The following RSPRY1 variants were observed in gnomAD, a reference collection of about 807,000 sequenced individuals.
RSPRY1 encodes RING finger and SPRY domain-containing protein 1.
Under a neutral mutation model 73.1 loss-of-function variants are expected in RSPRY1, and 23 were observed. That is an observed-to-expected ratio of 0.31 (90% CI 0.23 to 0.45). RSPRY1 has a LOEUF of 0.45. Ranked by LOEUF, RSPRY1 falls within the 20% of genes least tolerant of loss-of-function variation. The probability of loss-of-function intolerance (pLI) is 1.00; values close to 1 mark genes in which losing one functional copy is unlikely to be tolerated. For missense variants in RSPRY1, 448 were observed against 698.7 expected, an observed-to-expected ratio of 0.64 and a Z score of 4.05; for synonymous variants, 226 against 251.4, an observed-to-expected ratio of 0.90 and a Z score of 0.95.
chr16:57,188,537 A>C (rs1034789574), intron 1 of RSPRY1, among the ~76,000 whole-genome samples: 6 of 150,858 alleles, frequency 4.0e-5, no homozygotes, highest in Non-Finnish European at 8.8e-5. Context: ...GTTTTTTGAG[A>C]CGGAGTTTCG....
At chr16:57,188,702 G>A (rs1398568264) in intron 1 of RSPRY1, among the ~76,000 whole-genome samples, 1 of 152,084 alleles carries the variant, frequency 6.6e-6, no homozygotes, top group Non-Finnish European at 1.5e-5. Flanking sequence ...TTTTAGTAGA[G>A]ACGAGGTTTC....
intron 1 of RSPRY1, among the ~76,000 whole-genome samples, chr16:57,194,143 G>A (rs1372454303): frequency 6.6e-6 from 1 of 152,174 alleles, no homozygotes; most frequent in African/African-American, 2.4e-5. Flanking sequence ...AGTCTAATTA[G>A]TGATATGCAT....
chr16:57,209,151 A>C lies in RSPRY1; in HGVS notation c.480A>C (p.Ile160=). 1 of 1,612,720 alleles carries C rather than the reference A, an allele frequency of 6.2e-7. No individual in the cohort carries two copies. ...AAGATCCACTGGGACCAGCTGTTATAACATTGTTACTAGATGAATGTCCAT... is the reference window on the plus strand; with the variant it reads ...AAGATCCACTGGGACCAGCTGTTATCACATTGTTACTAGATGAATGTCCAT... ...PLEDPLGPAV[I]TLLLDECPLP... Residue 160 remains isoleucine, a synonymous_variant, in exon 4 of 15, where the codon ATA becomes ATC. Transcript: ENST00000394420.
intron 1 of RSPRY1, among the ~76,000 whole-genome samples, chr16:57,196,785 T>TA (rs1403183269): frequency 9.2e-5 from 14 of 152,340 alleles, no homozygotes; most frequent in Admixed American, 8.5e-4. Context: ...CCAGGTAATT[T>TA]AGTTATTTCT....
intron 6 of RSPRY1, among the ~76,000 whole-genome samples, chr16:57,214,658 G>A (rs1360775407): frequency 6.6e-6 from 1 of 152,214 alleles, no homozygotes; most frequent in South Asian, 2.1e-4. Context: ...GTTAGTTGAG[G>A]AAACAAAACT....
At chr16:57,225,710 A>G (rs2075110134) in intron 10 of RSPRY1, among the ~76,000 whole-genome samples, 1 of 152,214 alleles carries the variant, frequency 6.6e-6, no homozygotes, top group Non-Finnish European at 1.5e-5. Flanking sequence ...TAAGCACTCA[A>G]AATAATTTCT....
intron 1 of RSPRY1, among the ~76,000 whole-genome samples, chr16:57,189,535 T>G (rs1253624740): frequency 6.6e-6 from 1 of 151,684 alleles, no homozygotes; most frequent in African/African-American, 2.4e-5. Flanking sequence ...TTGTCAAGAG[T>G]TTAACAAACA....
intron 1 of RSPRY1, among the ~76,000 whole-genome samples, chr16:57,198,605 T>G (rs1163726814): frequency 1.3e-5 from 2 of 152,190 alleles, no homozygotes; most frequent in African/African-American, 2.4e-5. Flanking sequence ...CCCCTATTCT[T>G]TTTGCTTTTT....
chr16:57,230,441 T>C (rs1384433016), intron 11 of RSPRY1, among the ~76,000 whole-genome samples: 1 of 152,236 alleles, frequency 6.6e-6, no homozygotes, highest in Non-Finnish European at 1.5e-5. Context: ...AAAATGCGTA[T>C]TTTTCCCCAC....
intron 1 of RSPRY1, among the ~76,000 whole-genome samples, chr16:57,193,787 C>G (rs575129883): frequency 6.6e-6 from 1 of 151,948 alleles, no homozygotes; most frequent in Non-Finnish European, 1.5e-5. Context: ...ACATTTCAGC[C>G]GGGTGCGGTG....
At chr16:57,232,803 C>T (rs180996273) in intron 13 of RSPRY1, among the ~76,000 whole-genome samples, 50 of 152,260 alleles carry the variant, frequency 3.3e-4, no homozygotes, top group African/African-American at 1.1e-3. Flanking sequence ...AAATTTGGTA[C>T]CCAAAGTTCG....
At chr16:57,211,886 T>C (rs1389249532) in intron 4 of RSPRY1, among the ~76,000 whole-genome samples, 1 of 152,126 alleles carries the variant, frequency 6.6e-6, no homozygotes, top group African/African-American at 2.4e-5. Context: ...GCCTCAATTC[T>C]GGCATTTTCA....
Position 57,205,023 on chromosome 16 carries a change from C to A in RSPRY1, c.350+15C>A. The stretch of plus-strand genomic sequence containing the variant: ...CTTGTAGATAAGTAAGTATCTGACT[C>A]ACGGTCACCTCCAGTGGAATGAAAA... On this transcript the variant is annotated intron_variant, in intron 2 of 14. Coordinates refer to ENST00000394420, the MANE Select transcript of RSPRY1 (RefSeq NM_133368.3). The A allele has an allele frequency of 6.3e-7, 1 of 1,579,832 alleles. No homozygotes were observed. Among genetic ancestry groups the A allele is most frequent in the South Asian group, 1.1e-5 (1 of 89,128 alleles).
Position 57,213,115 on chromosome 16 carries a change from C to A in RSPRY1, c.643+17C>A. 1 of 1,604,854 alleles carries A rather than the reference C, an allele frequency of 6.2e-7. No homozygotes were observed. The highest frequency in any genetic ancestry group is 8.5e-7 in the Non-Finnish European group (1 of 1,175,650). Reference sequence around the variant, plus strand: ...AACTAGCAGGTAACTTTGGGACACTCCACAGTGGAAGATCTTAAGTTGTTT... The same window carrying A: ...AACTAGCAGGTAACTTTGGGACACTACACAGTGGAAGATCTTAAGTTGTTT... On this transcript the variant is annotated intron_variant, in intron 5 of 14. Transcript: ENST00000394420.
In RSPRY1 at chr16:57,204,734, C is replaced by G; in HGVS notation, c.76C>G (p.His26Asp). 1 of 1,614,202 alleles carries G rather than the reference C, an allele frequency of 6.2e-7. No individual in the cohort carries two copies. Among genetic ancestry groups the G allele is most frequent in the Non-Finnish European group, 8.5e-7 (1 of 1,180,034 alleles). Residue 26 changes from histidine (H) to aspartate (D), a missense_variant, in exon 2 of 15, where the codon CAC (histidine) becomes GAC (aspartate). By Grantham distance (81) the His-to-Asp change is moderately conservative. Coordinates refer to ENST00000394420, the MANE Select transcript of RSPRY1 (RefSeq NM_133368.3). ...GQGLLLTLEE[H>D]IAHFLGTGGA... Reference sequence around the variant, plus strand: ...GGGTCTGTTGTTGACTCTCGAAGAGCACATAGCCCACTTCCTAGGGACTGG... The same window carrying G: ...GGGTCTGTTGTTGACTCTCGAAGAGGACATAGCCCACTTCCTAGGGACTGG...
intron 13 of RSPRY1, among the ~76,000 whole-genome samples, chr16:57,233,114 T>C (rs1463654611): frequency 6.6e-6 from 1 of 152,244 alleles, no homozygotes; most frequent in Admixed American, 6.5e-5. Flanking sequence ...ATTACTCCTT[T>C]CTGGCATCAG....
At chr16:57,208,302 C>CTTTTTTTTT (rs34138044) in intron 3 of RSPRY1, among the ~76,000 whole-genome samples, 192 bp downstream of exon 3, 4 of 79,178 alleles carry the variant, frequency 5.1e-5, no homozygotes, top group African/African-American at 5.6e-5. Flanking sequence ...CATATTATAC[C>CTTTTTTTTT]TTTTTTTTTT....
intron 1 of RSPRY1, among the ~76,000 whole-genome samples, chr16:57,199,838 CTT>C (rs3055196): frequency 0.094 from 12,409 of 132,414 alleles, 665 homozygotes; most frequent in East Asian, 0.23. Flanking sequence ...AGTGAAATTT[CTT>C]TTTTTTTTTT....
At chr16:57,197,114 GT>G (rs1461426939) in intron 1 of RSPRY1, among the ~76,000 whole-genome samples, 1 of 152,148 alleles carries the variant, frequency 6.6e-6, no homozygotes, top group African/African-American at 2.4e-5. Flanking sequence ...TCCTTGGAAA[GT>G]GGGCCACGTA....
Sources: gnomAD v4.1 joint callset for allele counts (sites outside exome capture counted in the v4.1 genomes callset) on GRCh38, gnomAD v4.1.1 for gene constraint, MANE v1.5 for transcripts, NCBI Gene and HGNC (gene_info 2026-07-23, HGNC 2026-07-21) for gene names.